The following NBEAL1 variants were observed in gnomAD, a reference collection of about 807,000 sequenced individuals.
NBEAL1 encodes neurobeachin-like protein 1.
NBEAL1 carries 273 observed loss-of-function variants against 351.3 expected under a neutral mutation model. The observed-to-expected ratio is 0.78, with a 90% CI of 0.70 to 0.86. The LOEUF (loss-of-function observed/expected upper bound fraction) is 0.86. Ranked by LOEUF, NBEAL1 falls within the 40% of genes least tolerant of loss-of-function variation. The pLI is 0.00. For missense variants in NBEAL1, 2,961 were observed against 3,201.3 expected (o/e 0.92, Z 1.81); for synonymous variants, 1,050 against 1,086.4 (o/e 0.97, Z 0.66).
At chr2:203,210,043 G>T (rs913108032) in intron 53 of NBEAL1, among the ~76,000 whole-genome samples, 1 of 152,076 alleles carries the variant, frequency 6.6e-6, no homozygotes, top group African/African-American at 2.4e-5. Flanking sequence ...GAGCCACCAT[G>T]CCCAGCCTAA....
At position 203,125,507 on chromosome 2, in the gene NBEAL1, C is replaced by A; in HGVS notation, c.2838C>A (p.Ser946=). ...PVEGDWLVWT[S]TKASESRLER... is the part of the protein sequence containing the mutation. ...AAGGAGATTGGCTCGTATGGACTTC[C>A]ACAAAGGCCTCAGGTATTAAGATGA... Residue 946 remains serine (S), a synonymous_variant, in exon 20 of 56, where the codon TCC becomes TCA. Transcript: ENST00000683969. The A allele has an allele frequency of 6.7e-7, 1 of 1,493,282 alleles. No homozygotes were observed. The highest frequency in any genetic ancestry group is 8.9e-7 in the Non-Finnish European group (1 of 1,122,642). 92.5% of individuals were successfully genotyped at this position (1,493,282 alleles called of 1,614,324 possible). A position where few individuals can be genotyped will look rare whatever the true frequency, so the allele number is the denominator to read the frequency against.
intron 34 of NBEAL1, among the ~76,000 whole-genome samples, chr2:203,149,674 A>G (rs2106349846): frequency 6.6e-6 from 1 of 152,266 alleles, no homozygotes; most frequent in East Asian, 1.9e-4. Flanking sequence ...CAACTTCATA[A>G]CATTTTTATC....
At chr2:203,026,764 C>T (rs370040382) in intron 2 of NBEAL1, among the ~76,000 whole-genome samples, 2 of 152,158 alleles carry the variant, frequency 1.3e-5, no homozygotes, top group South Asian at 2.1e-4. Flanking sequence ...CTGCCTGCCT[C>T]GGCCTCCCAA....
rs533878121 is a variant in NBEAL1 at position 203,053,500 on chromosome 2, G to A, written c.306-2927G>A. Among the ~76,000 whole-genome samples the A allele has an allele frequency of 7.9e-5, 12 of 151,436 alleles. No homozygotes were observed. The South Asian group carries it at 8.3e-4, about 11-fold the overall frequency. On this transcript the variant is annotated intron_variant, in intron 4 of 55. Coordinates refer to ENST00000683969, the MANE Select transcript of NBEAL1 (RefSeq NM_001378026.1). ...ATCAGGTATCTGGGTTTTTTTTGTC[G>A]TCGTCGTTGTTGTTGTTGTTTTGAG...
At chr2:203,110,608 A>T (rs925226321) in intron 15 of NBEAL1, among the ~76,000 whole-genome samples, 1 of 151,432 alleles carries the variant, frequency 6.6e-6, no homozygotes, top group African/African-American at 2.4e-5. Context: ...CAGGAAGTCA[A>T]GGCTCCAGTA....
At chr2:203,152,913 C>G (rs572287866) in intron 35 of NBEAL1, among the ~76,000 whole-genome samples, 1 of 152,036 alleles carries the variant, frequency 6.6e-6, no homozygotes, top group South Asian at 2.1e-4. Flanking sequence ...TGGCGGGCAC[C>G]TGTAATCCCA....
chr2:203,101,540 C>T (rs1424476996), intron 12 of NBEAL1, among the ~76,000 whole-genome samples: 6 of 152,114 alleles, frequency 3.9e-5, no homozygotes, highest in Non-Finnish European at 7.4e-5. Context: ...GTGAAGAATG[C>T]CACTGGTAGT....
chr2:203,146,407 T>C (rs2063515113), intron 33 of NBEAL1, among the ~76,000 whole-genome samples: 1 of 152,094 alleles, frequency 6.6e-6, no homozygotes, highest in Admixed American at 6.6e-5. Context: ...ATTACCCTCA[T>C]AGTGAAATCA....
At chr2:203,017,499 T>C (rs1297763843) in intron 2 of NBEAL1, among the ~76,000 whole-genome samples, 1 of 152,150 alleles carries the variant, frequency 6.6e-6, no homozygotes, top group African/African-American at 2.4e-5. Flanking sequence ...CATAATTTAA[T>C]ACCAGAAATG....
chr2:203,039,302 G>C (rs1399114576), intron 2 of NBEAL1, among the ~76,000 whole-genome samples: 1 of 16,074 alleles, frequency 6.2e-5, no homozygotes, highest in Non-Finnish European at 1.0e-4. Context: ...CCTCCCCCTG[G>C]CCCTCCCCTC....
At chr2:203,048,299 T>C (rs926197106) in intron 3 of NBEAL1, among the ~76,000 whole-genome samples, 2 of 150,116 alleles carry the variant, frequency 1.3e-5, no homozygotes, top group African/African-American at 4.9e-5. Flanking sequence ...TGAGAATCCC[T>C]TGAATCTAGG....
At chr2:203,203,088 A>G (rs2065446569) in intron 51 of NBEAL1, among the ~76,000 whole-genome samples, 1 of 152,216 alleles carries the variant, frequency 6.6e-6, no homozygotes, top group South Asian at 2.1e-4. Context: ...ACTACTAGAA[A>G]TGATAGATTT....
intron 17 of NBEAL1, among the ~76,000 whole-genome samples, chr2:203,113,994 T>C (rs1302733260): frequency 6.6e-6 from 1 of 152,034 alleles, no homozygotes; most frequent in African/African-American, 2.4e-5. Context: ...GCTAATTTTT[T>C]GTATATTTAG....
At chr2:203,125,852 G>T (rs947974592) in intron 20 of NBEAL1, 108 bp from the exon 21 acceptor site, 2 of 932,626 alleles carry the variant, frequency 2.1e-6, no homozygotes, top group Non-Finnish European at 3.1e-6. Flanking sequence ...GAAGCTGACT[G>T]CTGAACCAGA....
intron 2 of NBEAL1, chr2:203,040,316 G>C: frequency 1.3e-6 from 1 of 741,212 alleles, no homozygotes; most frequent in Non-Finnish European, 2.4e-6. Flanking sequence ...GTGCATCTCA[G>C]ACGACTAGAA....
At chr2:203,075,904 T>C (rs1334304544) in intron 7 of NBEAL1, among the ~76,000 whole-genome samples, 1 of 152,238 alleles carries the variant, frequency 6.6e-6, no homozygotes, top group African/African-American at 2.4e-5. Context: ...GTTATTCTGA[T>C]ATAGGTGGAA....
chr2:203,057,491 A>C (rs920067402), intron 6 of NBEAL1, 38 bp downstream of exon 6: 1 of 1,498,728 alleles, frequency 6.7e-7, no homozygotes, highest in Non-Finnish European at 9.0e-7. Context: ...TTAAAACCTG[A>C]ATGTCATAAT....
chr2:203,126,542 T>A lies in NBEAL1; in HGVS notation c.2986-15T>A, dbSNP rs1175642723. 1.4e-6 allele frequency: 2 copies of A among 1,435,090 alleles called. No homozygotes were observed. Among genetic ancestry groups the A allele is most frequent in the Admixed American group, 6.5e-5 (2 of 30,966 alleles). 88.9% of individuals were successfully genotyped at this position (1,435,090 alleles called of 1,614,324 possible). A position where few individuals can be genotyped will look rare whatever the true frequency, so the allele number is the denominator to read the frequency against. On this transcript the variant is annotated splice_polypyrimidine_tract_variant and intron_variant, in intron 21 of 55. Transcript: ENST00000683969. ...TAAACTGAACTATATGAAACCCTCT[T>A]CTGTTTGGTTTCAGGTGCCAAGCAC...
rs1353794694 is a variant in NBEAL1, at chr2:203,190,280, T to A, written c.6824-12T>A. The A allele has an allele frequency of 1.3e-6, 2 of 1,593,106 alleles. No homozygotes were observed. Among genetic ancestry groups the A allele is most frequent in the South Asian group, 2.3e-5 (2 of 88,028 alleles). On this transcript the variant is annotated splice_polypyrimidine_tract_variant and intron_variant, in intron 45 of 55. Coordinates refer to ENST00000683969, the MANE Select transcript of NBEAL1 (RefSeq NM_001378026.1). ...TTTCACTCTATAGTAAGTTGACTTC[T>A]TCTGGTTTTAGGAGCTGTGGATCTG... is the stretch of plus-strand genomic sequence containing the variant.
Sources: allele counts gnomAD v4.1 joint callset (sites outside exome capture counted in the v4.1 genomes callset), GRCh38; gene constraint gnomAD v4.1.1; transcripts MANE v1.5; gene names NCBI Gene and HGNC (gene_info 2026-07-23, HGNC 2026-07-21).